The following EXT1 variants were observed in gnomAD, a reference collection of about 807,000 sequenced individuals.
EXT1 encodes the protein exostosin glycosyltransferase 1.
A neutral mutation model predicts 82.5 loss-of-function variants in EXT1; 20 were observed. The ratio of observed to expected loss-of-function variants is 0.24; its 90% confidence interval spans 0.17 to 0.35. The LOEUF (loss-of-function observed/expected upper bound fraction) is 0.35. Among genes scored for constraint, EXT1 ranks in the 10% least tolerant of loss-of-function variants. The probability of loss-of-function intolerance (pLI) is 1.00; values close to 1 mark genes in which losing one functional copy is unlikely to be tolerated. For missense variants in EXT1, 757 were observed against 936.5 expected (o/e 0.81, Z 2.50); for synonymous variants, 348 against 350.8 (o/e 0.99, Z 0.09).
intron 1 of EXT1, among the ~76,000 whole-genome samples, chr8:118,044,053 C>CA: frequency 6.6e-6 from 1 of 152,282 alleles, no homozygotes; most frequent in East Asian, 1.9e-4. Context: ...TCTGCTTTGC[C>CA]AGTGTCTCTT....
rs61249983 is a variant in EXT1 at position 117,874,575 on chromosome 8, C to CAAAAAA, written c.963-37380_963-37375dup. Among the ~76,000 whole-genome samples the CAAAAAA allele has an allele frequency of 4.4e-3, 307 of 69,706 alleles. 12 individuals are homozygous for CAAAAAA. Among genetic ancestry groups the CAAAAAA allele is most frequent in the African/African-American group, 9.7e-3 (184 of 18,966 alleles). 45.7% of individuals were successfully genotyped at this position (69,706 alleles called of 152,430 possible). On this transcript the variant is annotated intron_variant, in intron 1 of 10. Transcript: ENST00000378204. ...TAGGCAACAAAGTGAGACTCTGCCT[C>CAAAAAA]AAAAAAAAAAAAAAAAAAGAACAAT...
At position 117,809,216 on chromosome 8, in the gene EXT1, T is replaced by TAA. The variant is rs199897310; in HGVS notation, c.1723-1841_1723-1840dup. The stretch of plus-strand genomic sequence containing the variant: ...AGGTATATATATGTGTGTGTGTGTA[T>TAA]AAATATATATATATATATATATATA... On this transcript the variant is annotated intron_variant, in intron 8 of 10. Transcript: ENST00000378204. 7.0e-5 allele frequency among the ~76,000 whole-genome samples: 6 copies of TAA among 85,834 alleles called. No individual in the cohort carries two copies. In the East Asian group the frequency reaches 9.6e-4, roughly 14 times the overall value. 56.3% of individuals were successfully genotyped at this position (85,834 alleles called of 152,430 possible).
chr8:117,914,500 C>A (rs1478938226), intron 1 of EXT1, among the ~76,000 whole-genome samples: 1 of 152,160 alleles, frequency 6.6e-6, no homozygotes, highest in Non-Finnish European at 1.5e-5. Flanking sequence ...CCATATTTTT[C>A]TCTTTGCAGA....
intron 4 of EXT1, 55 bp from the exon 5 acceptor site, chr8:117,822,652 A>G: frequency 6.2e-7 from 1 of 1,600,108 alleles, no homozygotes; most frequent in South Asian, 1.1e-5. Context: ...ATATTTGGAA[A>G]GGATGATGCT....
At chr8:117,914,159 CG>C (rs1563599479) in intron 1 of EXT1, among the ~76,000 whole-genome samples, 1 of 152,070 alleles carries the variant, frequency 6.6e-6, no homozygotes, top group Non-Finnish European at 1.5e-5. Flanking sequence ...TCAAGGACCC[CG>C]AACAGAGGGA....
intron 1 of EXT1, among the ~76,000 whole-genome samples, chr8:117,978,002 A>G (rs1297651001): frequency 6.6e-6 from 1 of 152,226 alleles, no homozygotes. Flanking sequence ...TGACCACAAT[A>G]ATTAAGAGTG....
intron 1 of EXT1, among the ~76,000 whole-genome samples, chr8:117,995,475 A>G (rs1171561328): frequency 6.6e-6 from 1 of 152,148 alleles, no homozygotes; most frequent in African/African-American, 2.4e-5. Flanking sequence ...TTCAATATGC[A>G]TGGCGTGGGT....
At chr8:117,999,244 CTAATA>C (rs1586334007) in intron 1 of EXT1, among the ~76,000 whole-genome samples, 1 of 152,116 alleles carries the variant, frequency 6.6e-6, no homozygotes, top group East Asian at 1.9e-4. Flanking sequence ...TAATGGCCGA[CTAATA>C]TGTCAATATT....
intron 8 of EXT1, among the ~76,000 whole-genome samples, chr8:117,810,322 A>G (rs1823299568): frequency 6.6e-6 from 1 of 152,206 alleles, no homozygotes; most frequent in Admixed American, 6.5e-5. Flanking sequence ...AAAAGAGAAA[A>G]GAGAAATCCT....
intron 1 of EXT1, among the ~76,000 whole-genome samples, chr8:117,908,228 T>C (rs904866712): frequency 2.0e-5 from 3 of 152,220 alleles, no homozygotes; most frequent in Non-Finnish European, 4.4e-5. Context: ...AAAAGAATTA[T>C]TTCCCAAAAC....
At chr8:117,998,896 C>T (rs1465565660) in intron 1 of EXT1, among the ~76,000 whole-genome samples, 2 of 152,168 alleles carry the variant, frequency 1.3e-5, no homozygotes, top group African/African-American at 4.8e-5. Context: ...ATTAGTTAAC[C>T]GTTCTTCACT....
intron 1 of EXT1, among the ~76,000 whole-genome samples, chr8:118,041,669 G>A (rs201411378): frequency 1.3e-5 from 1 of 74,188 alleles, no homozygotes; most frequent in Non-Finnish European, 3.0e-5. Context: ...AGAGAAAGAA[G>A]GAAGGAAGGA....
At chr8:117,922,804 C>T (rs997514686) in intron 1 of EXT1, among the ~76,000 whole-genome samples, 11 of 152,306 alleles carry the variant, frequency 7.2e-5, no homozygotes, top group Admixed American at 3.3e-4. Flanking sequence ...GTCTATACTG[C>T]GTACCGTCCA....
intron 1 of EXT1, among the ~76,000 whole-genome samples, chr8:118,032,379 G>A (rs1358904335): frequency 1.3e-5 from 2 of 151,860 alleles, no homozygotes; most frequent in African/African-American, 4.8e-5. Flanking sequence ...CGAGGCATTT[G>A]AGAACCACTG....
At chr8:118,006,145 C>T (rs1003430860) in intron 1 of EXT1, among the ~76,000 whole-genome samples, 1 of 152,218 alleles carries the variant, frequency 6.6e-6, no homozygotes, top group African/African-American at 2.4e-5. Context: ...CTTAACATCT[C>T]TCCCACTTTG....
In EXT1 at chr8:118,110,520, G is replaced by T; in HGVS notation, c.527C>A (p.Ser176Tyr). 1.2e-6 allele frequency: 2 copies of T among 1,614,110 alleles called. No individual in the cohort carries two copies. Among genetic ancestry groups the T allele is most frequent in the Non-Finnish European group, 1.7e-6 (2 of 1,180,024 alleles). ...LSPQYVHNLR[S>Y]KVQSLHLWNN... ...CCACAAGTGGAGACTCTGCACTTTG[G>T]ATCTCAAATTGTGCACATACTGAGG... The change falls in exon 1 of 11, where the codon TCC becomes TAC. Residue 176 changes from serine (S) to tyrosine (Y), a missense_variant. Ser to Tyr is a moderately radical substitution (Grantham distance 144). This residue lies in a region of EXT1 where 247 missense variants were observed against 330.1 expected (regional missense o/e 0.75). Coordinates refer to ENST00000378204, the MANE Select transcript of EXT1 (RefSeq NM_000127.3).
intron 1 of EXT1, among the ~76,000 whole-genome samples, chr8:117,957,114 G>C (rs11562776): frequency 1.1e-4 from 17 of 152,178 alleles, no homozygotes; most frequent in Non-Finnish European, 1.6e-4. Flanking sequence ...ACAGCACTGT[G>C]TTAAGAGTCA....
At chr8:117,860,210 T>C (rs950968930) in intron 1 of EXT1, among the ~76,000 whole-genome samples, 4 of 139,100 alleles carry the variant, frequency 2.9e-5, no homozygotes, top group Non-Finnish European at 6.2e-5. Context: ...GCAACATGGG[T>C]GGAACTGGAG....
chr8:117,979,374 AC>A (rs61641755), intron 1 of EXT1, among the ~76,000 whole-genome samples: 38,812 of 147,840 alleles, frequency 0.26, 5,258 homozygotes, highest in Middle Eastern at 0.35. Context: ...AAACAAACAA[AC>A]AAACAAAAAA....
Sources: allele counts gnomAD v4.1 joint callset (sites outside exome capture counted in the v4.1 genomes callset), GRCh38; gene constraint gnomAD v4.1.1; regional missense constraint gnomAD v4.1.1; transcripts MANE v1.5; gene names NCBI Gene and HGNC (gene_info 2026-07-23, HGNC 2026-07-21).